Variants in GDI2 observed in about 807,000 individuals in gnomAD.
GDI2 encodes the protein rab GDP dissociation inhibitor beta.
GDI2 carries 22 observed loss-of-function variants against 54.2 expected under a neutral mutation model. The ratio of observed to expected loss-of-function variants is 0.41; its 90% CI spans 0.29 to 0.58. The LOEUF (loss-of-function observed/expected upper bound fraction) is 0.58. Among genes scored for constraint, GDI2 ranks in the 20% least tolerant of loss-of-function variants. The pLI, the probability that GDI2 is intolerant of heterozygous loss-of-function variation, is 0.35. For synonymous variants in GDI2, 177 were observed against 182.1 expected (o/e 0.97, Z 0.23); for missense variants, 422 against 546.0 (o/e 0.77, Z 2.26).
At position 5,776,512 on chromosome 10, in the gene GDI2, AAAC is replaced by A; in HGVS notation, c.720-2574_720-2572del. ...ATTAGAAGCAAAGGCCCGAAAGATA[AAAC>A]AATTATAGAGAAGCAGATTTGAAGA... is the stretch of plus-strand genomic sequence containing the variant. On this transcript the variant is annotated intron_variant, in intron 6 of 10. Transcript: ENST00000380191. This position sits in a 1 kb window ranked among gnomAD's most constrained non-coding sequence, Gnocchi z 5.3. 5.6e-5 allele frequency: 79 copies of A among 1,400,844 alleles called. No individual in the cohort carries two copies. The highest frequency in any genetic ancestry group is 8.0e-5 in the Non-Finnish European group (79 of 989,886). 86.8% of individuals were successfully genotyped at this position (1,400,844 alleles called of 1,614,324 possible).
chr10:5,776,500 G>A lies in GDI2; in HGVS notation c.720-2559C>T. On this transcript the variant is annotated intron_variant, in intron 6 of 10. Transcript: ENST00000380191. The surrounding 1 kb of genome is among the most constrained non-coding windows in gnomAD (Gnocchi z 5.3). ...GCAGAGCCATGTATTAGAAGCAAAG[G>A]CCCGAAAGATAAAACAATTATAGAG... The A allele has an allele frequency of 8.0e-7, 1 of 1,255,224 alleles. No homozygotes were observed. The highest frequency in any genetic ancestry group is 2.3e-5 in the East Asian group (1 of 42,952). 77.8% of individuals were successfully genotyped at this position (1,255,224 alleles called of 1,614,324 possible).
intron 6 of GDI2, among the ~76,000 whole-genome samples, chr10:5,782,003 ACT>A (rs976598673): frequency 3.3e-5 from 5 of 152,100 alleles, no homozygotes; most frequent in Admixed American, 1.3e-4. Flanking sequence ...ACAGAGCAAG[ACT>A]CTATCTCAAA....
chr10:5,785,488 C>T (rs550822025), intron 5 of GDI2, among the ~76,000 whole-genome samples: 29 of 152,262 alleles, frequency 1.9e-4, no homozygotes, highest in South Asian at 1.7e-3. Flanking sequence ...GATTCTTCTG[C>T]CTCAGCCTCC....
rs1203263130 is a variant in GDI2 at position 5,785,326 on chromosome 10, G to A, written c.588-53C>T. 2.9e-5 allele frequency: 39 copies of A among 1,324,678 alleles called. No individual in the cohort carries two copies. In the Admixed American group the frequency reaches 8.7e-4, roughly 29 times the overall value. 82.1% of individuals were successfully genotyped at this position (1,324,678 alleles called of 1,614,324 possible). On this transcript the variant is annotated intron_variant, in intron 5 of 10. Coordinates refer to ENST00000380191, the MANE Select transcript of GDI2 (RefSeq NM_001494.4). Reference sequence around the variant, plus strand: ...AAGGGCTTTAGTTTTCATTCATGGTGTTCAATTTATAATTTTTTTTGAAGC... The same window carrying A: ...AAGGGCTTTAGTTTTCATTCATGGTATTCAATTTATAATTTTTTTTGAAGC...
rs1840314691 is a variant in GDI2, at chr10:5,765,952, C to T, written c.*54G>A. 3 of 1,327,492 alleles carry T rather than the reference C, an allele frequency of 2.3e-6. No individual in the cohort carries two copies. Among genetic ancestry groups the T allele is most frequent in the African/African-American group, 1.5e-5 (1 of 67,934 alleles). 82.2% of individuals were successfully genotyped at this position (1,327,492 alleles called of 1,614,324 possible). A position where few individuals can be genotyped will look rare whatever the true frequency, so the allele number is the denominator to read the frequency against. ...CTTACAATATTGATTTCATTATATG[C>T]ATTATTTGCCAAATTTTAAATGTGT... is the stretch of plus-strand genomic sequence containing the variant. On this transcript the variant is annotated 3_prime_UTR_variant, in exon 11 of 11. Coordinates refer to ENST00000380191, the MANE Select transcript of GDI2 (RefSeq NM_001494.4).
At chr10:5,795,082 A>T (rs1200914762) in intron 3 of GDI2, 63 bp from the exon 4 acceptor site, 3 of 995,984 alleles carry the variant, frequency 3.0e-6, no homozygotes, top group African/African-American at 1.6e-5. Flanking sequence ...ACATTTACTA[A>T]TACTAACAGC....
intron 7 of GDI2, among the ~76,000 whole-genome samples, chr10:5,772,373 G>C (rs1353261065): frequency 6.6e-6 from 1 of 152,166 alleles, no homozygotes; most frequent in Non-Finnish European, 1.5e-5. Flanking sequence ...TTCATTTAAA[G>C]CAGATAAGCC....
intron 7 of GDI2, among the ~76,000 whole-genome samples, chr10:5,772,810 C>T (rs1840521616): frequency 6.6e-6 from 1 of 152,082 alleles, no homozygotes. Flanking sequence ...ACACACAAAT[C>T]TAACATCACC....
rs867675453 is a variant in GDI2, at chr10:5,811,869, C to T, written c.45+1345G>A. ...AGAAAAACACGATTCTAATTCTTCA[C>T]AAACCTTTCCTAAAAAATTAGCCAA... On this transcript the variant is annotated intron_variant, in intron 1 of 10. Transcript: ENST00000380191. 6 of 934,368 alleles carry T rather than the reference C, an allele frequency of 6.4e-6. No individual in the cohort carries two copies. The African/African-American group carries it at 7.2e-5, about 11-fold the overall frequency. The allele number at this position is 934,368 out of a possible 1,614,324, so 57.9% of individuals were successfully genotyped here.
At chr10:5,810,793 C>A (rs1841467119) in intron 1 of GDI2, among the ~76,000 whole-genome samples, 1 of 152,188 alleles carries the variant, frequency 6.6e-6, no homozygotes, top group African/African-American at 2.4e-5. Flanking sequence ...CTTTTACACA[C>A]AGAATGAAGA....
At chr10:5,780,295 A>C (rs1367857862) in intron 6 of GDI2, among the ~76,000 whole-genome samples, 1 of 53,998 alleles carries the variant, frequency 1.9e-5, no homozygotes, top group Non-Finnish European at 3.8e-5. Flanking sequence ...ACCATCTACA[A>C]AAAAAAAAAA....
chr10:5,781,692 T>C (rs1205127098), intron 6 of GDI2, among the ~76,000 whole-genome samples: 1 of 151,902 alleles, frequency 6.6e-6, no homozygotes, highest in Non-Finnish European at 1.5e-5. Flanking sequence ...AAAAATTTTT[T>C]CTTTGATATA....
intron 6 of GDI2, among the ~76,000 whole-genome samples, chr10:5,781,391 G>A (rs1840750619): frequency 6.6e-6 from 1 of 151,974 alleles, no homozygotes. Flanking sequence ...ACTTTGGGAG[G>A]CCAAGGCAGG....
At chr10:5,800,494 T>C (rs1174485077) in intron 2 of GDI2, 104 bp downstream of exon 2, 3 of 721,980 alleles carry the variant, frequency 4.2e-6, no homozygotes, top group Non-Finnish European at 7.5e-6. Context: ...AGATATTCCA[T>C]TTAACAAAAC....
At chr10:5,812,723 C>T (rs1248443892) in intron 1 of GDI2, among the ~76,000 whole-genome samples, 1 of 152,222 alleles carries the variant, frequency 6.6e-6, no homozygotes, top group African/African-American at 2.4e-5. Context: ...CAGTGATTAT[C>T]CAAGACTTGT....
intron 4 of GDI2, among the ~76,000 whole-genome samples, chr10:5,788,055 T>C (rs538928144): frequency 4.3e-4 from 66 of 152,328 alleles, no homozygotes; most frequent in African/African-American, 1.5e-3. Flanking sequence ...TGGCGCCAAA[T>C]AGTGATCTCA....
rs1176821507 is a variant in GDI2, at chr10:5,773,899, G to A, written c.762C>T (p.Pro254=). The A allele has an allele frequency of 1.3e-6, 2 of 1,564,788 alleles. No homozygotes were observed. The highest frequency in any genetic ancestry group is 1.1e-5 in the South Asian group (1 of 88,206). ...CATTCTGTACAATGATTTCTTCAAT[G>A]GGTTTATTCAGCATATAGGTACCTC... is the stretch of plus-strand genomic sequence containing the variant. The part of the protein sequence containing the change: ...IYGGTYMLNK[P]IEEIIVQNGK... The change falls in exon 7 of 11, where the codon CCC becomes CCT. Residue 254 remains proline, a synonymous_variant. Coordinates refer to ENST00000380191, the MANE Select transcript of GDI2 (RefSeq NM_001494.4).
At chr10:5,772,249 C>T (rs1036086805) in intron 7 of GDI2, among the ~76,000 whole-genome samples, 1 of 152,094 alleles carries the variant, frequency 6.6e-6, no homozygotes, top group African/African-American at 2.4e-5. Flanking sequence ...GTTTGTTGGA[C>T]CTGGATGGTA....
rs750717677 is a variant in GDI2, at chr10:5,766,504, T to C, written c.1126A>G (p.Ile376Val). The C allele has an allele frequency of 8.7e-6, 14 of 1,613,558 alleles. No homozygotes were observed. The highest frequency in any genetic ancestry group is 7.7e-5 in the South Asian group (7 of 91,048). ...IRPALELLEP[I>V]EQKFVSISDL... ...AAGAACACAACTCACTTCTGTTCAA[T>C]TGGTTCCAAGAGCTCCAAAGCTGGT... Residue 376 changes from isoleucine to valine, a missense_variant, in exon 9 of 11, where the codon ATT becomes GTT. Transcript: ENST00000380191. The surrounding 1 kb of genome is among the most constrained non-coding windows in gnomAD (Gnocchi z 5.8).
Sources: allele counts gnomAD v4.1 joint callset (sites outside exome capture counted in the v4.1 genomes callset), GRCh38; gene constraint gnomAD v4.1.1; non-coding constraint Gnocchi (gnomAD v3.1); transcripts MANE v1.5; gene names NCBI Gene and HGNC (gene_info 2026-07-23, HGNC 2026-07-21).